TACR2: variants seen among roughly 807,000 people sequenced by gnomAD.
TACR2 encodes the protein tachykinin receptor 2.
TACR2 carries 24 observed loss-of-function variants against 28.9 expected under a neutral mutation model. The ratio of observed to expected loss-of-function variants is 0.83; its 90% CI spans 0.60 to 1.17. The LOEUF is 1.17. Among genes scored for constraint, TACR2 ranks in the 50% most tolerant of loss-of-function variants. The pLI, the probability that TACR2 is intolerant of heterozygous loss-of-function variation, is 0.00. For missense variants in TACR2, 487 were observed against 524.4 expected, an observed-to-expected ratio of 0.93 and a Z score of 0.70; for synonymous variants, 222 against 212.6, an observed-to-expected ratio of 1.04 and a Z score of -0.38.
rs1840598506 is a variant in TACR2, at chr10:69,414,885, A to ACACACACACAGACT, written c.587+46_587+59dup. 6 of 1,530,474 alleles carry ACACACACACAGACT rather than the reference A, an allele frequency of 3.9e-6. No homozygotes were observed. In the African/African-American group the frequency reaches 6.8e-5, roughly 17 times the overall value. 94.8% of individuals were successfully genotyped at this position (1,530,474 alleles called of 1,614,324 possible). On this transcript the variant is annotated intron_variant, in intron 2 of 4. Transcript: ENST00000373306. Reference sequence around the variant, plus strand: ...TGGATGCATGCACGCGTGTGTACACACACACACACAGACTCACACACACAC... The same window carrying ACACACACACAGACT: ...TGGATGCATGCACGCGTGTGTACACACACACACACAGACTCACACACACAGACTCACACACACAC...
Position 69,408,961 on chromosome 10 carries a change from C to G in TACR2, c.702G>C (p.Ala234=). Residue 234 remains alanine, a synonymous_variant, in exon 3 of 5, where the codon GCG becomes GCC. Transcript: ENST00000373306. ...LWRRAVPGHQ[A]HGANLRHLQA... Reference sequence around the variant, plus strand: ...GCAGGTGGCGCAGGTTGGCACCGTGCGCCTGATGTCCGGGCACTGCGCGCC... The same window carrying G: ...GCAGGTGGCGCAGGTTGGCACCGTGGGCCTGATGTCCGGGCACTGCGCGCC... 6.3e-7 allele frequency: 1 copy of G among 1,594,978 alleles called. No individual in the cohort carries two copies. Among genetic ancestry groups the G allele is most frequent in the Non-Finnish European group, 8.5e-7 (1 of 1,174,348 alleles).
chr10:69,409,211 G>T, intron 2 of TACR2, 136 bp from the exon 3 acceptor site: 2 of 964,788 alleles, frequency 2.1e-6, no homozygotes, highest in Non-Finnish European at 1.4e-6. Flanking sequence ...CCAGGGACTT[G>T]GTTTGATTTA....
At position 69,404,605 on chromosome 10, in the gene TACR2, GTGT is replaced by G; in HGVS notation, c.*218_*220del. The G allele has an allele frequency of 2.7e-6, 1 of 375,720 alleles. No homozygotes were observed. 23.3% of individuals were successfully genotyped at this position (375,720 alleles called of 1,614,324 possible). On this transcript the variant is annotated 3_prime_UTR_variant, in exon 5 of 5. Coordinates refer to ENST00000373306, the MANE Select transcript of TACR2 (RefSeq NM_001057.3). Reference sequence around the variant, plus strand: ...TGTCATGGTGGAAAGTGGAAGGGAAGTGTTGTGTGCAAAGAGATCACATGGTGA... The same window carrying G: ...TGTCATGGTGGAAAGTGGAAGGGAAGTGTGTGCAAAGAGATCACATGGTGA...
rs375337522 is a variant in TACR2, at chr10:69,414,875, G to A, written c.587+70C>T. ...TGCATGGACATGGATGCATGCACGC[G>A]TGTGTACACACACACACACAGACTC... On this transcript the variant is annotated intron_variant, in intron 2 of 4. Transcript: ENST00000373306. 14 of 1,509,124 alleles carry A rather than the reference G, an allele frequency of 9.3e-6. No homozygotes were observed. The African/African-American group carries it at 9.6e-5, about 10-fold the overall frequency. 93.5% of individuals were successfully genotyped at this position (1,509,124 alleles called of 1,614,324 possible).
Position 69,408,935 on chromosome 10 carries a change from T to G in TACR2, c.728A>C (p.Gln243Pro), listed in dbSNP as rs1387433474. The change falls in exon 3 of 5, where the codon CAG becomes CCG. Residue 243 changes from glutamine (Q) to proline (P), a missense_variant. Transcript: ENST00000373306. ...CCCCGCGCCCACCTTCTTCATGGCCTGCAGGTGGCGCAGGTTGGCACCGTG... is the reference window on the plus strand; with the variant it reads ...CCCCGCGCCCACCTTCTTCATGGCCGGCAGGTGGCGCAGGTTGGCACCGTG... ...QAHGANLRHL[Q>P]AMKKFVKTMV... 7 of 1,487,308 alleles carry G rather than the reference T, an allele frequency of 4.7e-6. No homozygotes were observed. The highest frequency in any genetic ancestry group is 6.3e-6 in the Non-Finnish European group (7 of 1,115,318). 92.1% of individuals were successfully genotyped at this position (1,487,308 alleles called of 1,614,324 possible).
rs1321758019 is a variant in TACR2, at chr10:69,406,233, AG to A, written c.938+850del. 1.4e-3 allele frequency among the ~76,000 whole-genome samples: 211 copies of A among 152,298 alleles called. No individual in the cohort carries two copies. In the Middle Eastern group the frequency reaches 0.017, roughly 12 times the overall value. ...CTTCGCCCACATCATTGTCTCACTG[AG>A]GTGAGACTGTGTCCACCTCTTGCCG... On this transcript the variant is annotated intron_variant, in intron 4 of 4. Coordinates refer to ENST00000373306, the MANE Select transcript of TACR2 (RefSeq NM_001057.3).
chr10:69,407,555 C>A (rs1422470840), intron 3 of TACR2, among the ~76,000 whole-genome samples: 1 of 152,248 alleles, frequency 6.6e-6, no homozygotes, highest in Non-Finnish European at 1.5e-5. Flanking sequence ...CCACTTCCTA[C>A]AAAAGGTGTC....
intron 4 of TACR2, 105 bp downstream of exon 4, chr10:69,406,979 T>C (rs1192346348): frequency 3.3e-6 from 4 of 1,218,414 alleles, no homozygotes; most frequent in Non-Finnish European, 4.7e-6. Flanking sequence ...GGGCCACAGG[T>C]TCCGGCAGGA....
At chr10:69,409,896 T>TATATAC (rs1564581075) in intron 2 of TACR2, among the ~76,000 whole-genome samples, 1 of 14,846 alleles carries the variant, frequency 6.7e-5, no homozygotes. Flanking sequence ...TATACATATA[T>TATATAC]ATATATACAT....
At position 69,411,621 on chromosome 10, in the gene TACR2, T is replaced by TCAGTGGATCAGCTGACAC. The variant is rs548208114; in HGVS notation, c.588-2564_588-2547dup. On this transcript the variant is annotated intron_variant, in intron 2 of 4. Coordinates refer to ENST00000373306, the MANE Select transcript of TACR2 (RefSeq NM_001057.3). ...TTGAGATGTTTTGCAGAGCCTGCAC[T>TCAGTGGATCAGCTGACAC]CAGTGGATCAGCTGACACCACCCAG... Among the ~76,000 whole-genome samples the TCAGTGGATCAGCTGACAC allele has an allele frequency of 1.3e-3, 201 of 152,230 alleles. No homozygotes were observed. In the Middle Eastern group the frequency reaches 0.014, roughly 10 times the overall value.
intron 2 of TACR2, among the ~76,000 whole-genome samples, chr10:69,409,904 CAT>C (rs10663894): frequency 0.065 from 2,201 of 33,804 alleles, 38 homozygotes; most frequent in Middle Eastern, 0.093. Context: ...TATATATATA[CAT>C]ATATATATAT....
intron 2 of TACR2, among the ~76,000 whole-genome samples, chr10:69,411,598 G>C (rs961151277): frequency 1.3e-5 from 2 of 152,044 alleles, no homozygotes; most frequent in African/African-American, 4.8e-5. Flanking sequence ...ATCAGTGCTT[G>C]AGATGTTTTG....
intron 3 of TACR2, 79 bp downstream of exon 3, chr10:69,408,842 GC>G: frequency 1.2e-5 from 1 of 83,490 alleles, no homozygotes; most frequent in Non-Finnish European, 2.2e-5. Context: ...GTCCGGCCCC[GC>G]CCCCATGAGG....
intron 1 of TACR2, among the ~76,000 whole-genome samples, chr10:69,415,588 A>G (rs1304864570): frequency 6.6e-6 from 1 of 152,222 alleles, no homozygotes; most frequent in Non-Finnish European, 1.5e-5. Flanking sequence ...ACTGTATAAG[A>G]CATATCTTTG....
At position 69,416,906 on chromosome 10, in the gene TACR2, C is replaced by T; in HGVS notation, c.-583G>A. On this transcript the variant is annotated 5_prime_UTR_variant, in exon 1 of 5. Coordinates refer to ENST00000373306, the MANE Select transcript of TACR2 (RefSeq NM_001057.3). Reference sequence around the variant, plus strand: ...AGCTGCCAGCCCTCGCTGCAGCTTCCCTGCCGTTCTCTGGGGCAGGGCCAG... The same window carrying T: ...AGCTGCCAGCCCTCGCTGCAGCTTCTCTGCCGTTCTCTGGGGCAGGGCCAG... 1 of 152,562 alleles carries T rather than the reference C, an allele frequency of 6.6e-6. No individual in the cohort carries two copies. The highest frequency in any genetic ancestry group is 1.5e-5 in the Non-Finnish European group (1 of 68,200). 9.5% of individuals were successfully genotyped at this position (152,562 alleles called of 1,614,324 possible).
chr10:69,405,914 T>C (rs1391085094), intron 4 of TACR2, among the ~76,000 whole-genome samples: 1 of 152,222 alleles, frequency 6.6e-6, no homozygotes, highest in African/African-American at 2.4e-5. Context: ...TGGAGACCCA[T>C]GGAGTCCTGG....
rs1342034191 is a variant in TACR2, at chr10:69,408,984, G to T, written c.679C>A (p.Arg227Ser). ...YSVIGLTLWR[R>S]AVPGHQAHGA... ...TGCGCCTGATGTCCGGGCACTGCGC[G>T]CCTCCAGAGCGTGAGGCCGATGACG... The change falls in exon 3 of 5, where the codon CGC (arginine) becomes AGC (serine). Residue 227 changes from arginine (R) to serine (S), a missense_variant. Transcript: ENST00000373306. 1.2e-6 allele frequency: 2 copies of T among 1,603,062 alleles called. No individual in the cohort carries two copies. The highest frequency in any genetic ancestry group is 2.7e-5 in the African/African-American group (2 of 73,806).
chr10:69,412,181 T>C (rs962292214), intron 2 of TACR2, among the ~76,000 whole-genome samples: 4 of 152,212 alleles, frequency 2.6e-5, no homozygotes, highest in African/African-American at 9.6e-5. Context: ...AATTACTTTT[T>C]CTCCATTGCA....
chr10:69,407,837 C>T (rs910645056), intron 3 of TACR2, among the ~76,000 whole-genome samples: 6 of 152,210 alleles, frequency 3.9e-5, no homozygotes, highest in Non-Finnish European at 5.9e-5. Context: ...GCCCAGCATG[C>T]CAATTACAAA....
Sources: allele counts gnomAD v4.1 joint callset (sites outside exome capture counted in the v4.1 genomes callset), GRCh38; gene constraint gnomAD v4.1.1; transcripts MANE v1.5; gene names NCBI Gene and HGNC (gene_info 2026-07-23, HGNC 2026-07-21).